NRP2: variants seen among roughly 807,000 people sequenced by gnomAD.
The protein encoded by NRP2 is neuropilin 2.
In NRP2, 52 loss-of-function variants were observed where a neutral mutation model predicts 110.4. That is an observed-to-expected ratio of 0.47 (90% confidence interval 0.38 to 0.59). The LOEUF is 0.59. Ranked by LOEUF, NRP2 falls within the 20% of genes least tolerant of loss-of-function variation. NRP2 has a pLI of 0.00. For missense variants in NRP2, 1,049 were observed against 1,203.0 expected, an observed-to-expected ratio of 0.87 and a Z score of 1.89; for synonymous variants, 508 against 468.9, an observed-to-expected ratio of 1.08 and a Z score of -1.08.
At chr2:205,765,618 G>A in intron 14 of NRP2, 48 bp downstream of exon 14, 1 of 1,518,110 alleles carries the variant, frequency 6.6e-7, no homozygotes, top group South Asian at 1.1e-5. Context: ...AAGACCCCAA[G>A]GGCTGGGATA....
chr2:205,711,558 G>C lies in NRP2; in HGVS notation c.252-4635G>C, dbSNP rs149490379. 3.0e-3 allele frequency among the ~76,000 whole-genome samples: 462 copies of C among 152,186 alleles called. 1 individual carries two copies. Among genetic ancestry groups the C allele is most frequent in the African/African-American group, 0.011 (445 of 41,534 alleles). On this transcript the variant is annotated intron_variant, in intron 2 of 16. Coordinates refer to ENST00000357785, the MANE Select transcript of NRP2 (RefSeq NM_003872.3). ...GAAAGAGCGCTTGCAAAGGCCCTGG[G>C]GTTGGAAAGAGCTCACCATATACAA...
chr2:205,728,733 C>T (rs376730936), intron 7 of NRP2, among the ~76,000 whole-genome samples: 6 of 152,192 alleles, frequency 3.9e-5, no homozygotes, highest in African/African-American at 1.4e-4. Flanking sequence ...CTGGCACAGG[C>T]GATGTGCTGG....
At chr2:205,793,776 A>G (rs915208323) in intron 16 of NRP2, among the ~76,000 whole-genome samples, 15 of 152,168 alleles carry the variant, frequency 9.9e-5, no homozygotes, top group African/African-American at 1.9e-4. Flanking sequence ...TAAAGGCCTT[A>G]TCTCCAAATA....
intron 10 of NRP2, 77 bp from the exon 11 acceptor site, chr2:205,749,648 T>C (rs2057605366): frequency 9.0e-7 from 1 of 1,111,218 alleles, no homozygotes; most frequent in South Asian, 1.2e-5. Context: ...TCTCTAGAGA[T>C]GTTTGGCATC....
chr2:205,740,003 C>T, intron 7 of NRP2: 1 of 246,564 alleles, frequency 4.1e-6, no homozygotes, highest in South Asian at 5.2e-5. Context: ...AGAGGGTGCC[C>T]CTCATCATCT....
intron 15 of NRP2, chr2:205,776,332 G>A (rs750974134): frequency 1.9e-6 from 3 of 1,612,856 alleles, no homozygotes; most frequent in South Asian, 1.1e-5. Context: ...CGTAATGGCC[G>A]CCGGGGGCGC....
At position 205,795,217 on chromosome 2, in the gene NRP2, A is replaced by C; in HGVS notation, c.*159A>C. 1 of 795,922 alleles carries C rather than the reference A, an allele frequency of 1.3e-6. No individual in the cohort carries two copies. The highest frequency in any genetic ancestry group is 1.5e-5 in the South Asian group (1 of 65,152). 49.3% of individuals were successfully genotyped at this position (795,922 alleles called of 1,614,324 possible). ...GGACAGAAAAGCGAGTCGCAGGAGGAAGGGAGATGCAGCCGCACAGGGGAT... is the reference window on the plus strand; with the variant it reads ...GGACAGAAAAGCGAGTCGCAGGAGGCAGGGAGATGCAGCCGCACAGGGGAT... On this transcript the variant is annotated 3_prime_UTR_variant, in exon 17 of 17. Transcript: ENST00000357785.
intron 7 of NRP2, among the ~76,000 whole-genome samples, chr2:205,732,212 G>T (rs1255373091): frequency 6.6e-6 from 1 of 152,352 alleles, no homozygotes; most frequent in East Asian, 1.9e-4. Context: ...TTATTGTGGA[G>T]CTGGGCTTCA....
chr2:205,755,901 T>C (rs947296972), intron 12 of NRP2, among the ~76,000 whole-genome samples: 2 of 151,890 alleles, frequency 1.3e-5, no homozygotes, highest in Non-Finnish European at 2.9e-5. Context: ...AAGAGAAAGG[T>C]GGATGGGAGA....
intron 15 of NRP2, among the ~76,000 whole-genome samples, chr2:205,791,674 G>A (rs912422879): frequency 6.6e-6 from 1 of 152,204 alleles, no homozygotes; most frequent in African/African-American, 2.4e-5. Flanking sequence ...GGAAGGATGA[G>A]AAATATTAGC....
At chr2:205,714,336 G>A (rs886677990) in intron 2 of NRP2, among the ~76,000 whole-genome samples, 5 of 152,158 alleles carry the variant, frequency 3.3e-5, no homozygotes, top group Non-Finnish European at 5.9e-5. Flanking sequence ...GGACTCTTGC[G>A]CTCTGGGCCA....
intron 12 of NRP2, among the ~76,000 whole-genome samples, chr2:205,755,395 C>T (rs2105901883): frequency 6.6e-6 from 1 of 152,222 alleles, no homozygotes; most frequent in South Asian, 2.1e-4. Context: ...CAGAGGAATC[C>T]CGAAGTTTGG....
rs886657096 is a variant in NRP2, at chr2:205,760,253, C to T, written c.2045-3421C>T. Among the ~76,000 whole-genome samples the T allele has an allele frequency of 2.0e-5, 3 of 152,156 alleles. No individual in the cohort carries two copies. In the South Asian group the frequency reaches 6.2e-4, roughly 32 times the overall value. ...TCCTTGGGCTTTTCCTGGTCTGAGT[C>T]ATTCCTTCATGATGTCCCTGGTTCT... On this transcript the variant is annotated intron_variant, in intron 12 of 16. Transcript: ENST00000357785.
At position 205,686,867 on chromosome 2, in the gene NRP2, GC is replaced by G. The variant is rs2056180102; in HGVS notation, c.73+3505del. On this transcript the variant is annotated intron_variant, in intron 1 of 16. Coordinates refer to ENST00000357785, the MANE Select transcript of NRP2 (RefSeq NM_003872.3). The surrounding 1 kb of genome is among the most constrained non-coding windows in gnomAD (Gnocchi z 4.7). ...CAGACAGAGAGGAGAGCCCCCTGGC[GC>G]TAGCCATTCCCGATCAGCGCCCACT... is the stretch of plus-strand genomic sequence containing the variant. 6.6e-6 allele frequency among the ~76,000 whole-genome samples: 1 copy of G among 152,188 alleles called. No individual in the cohort carries two copies. Among genetic ancestry groups the G allele is most frequent in the Non-Finnish European group, 1.5e-5 (1 of 68,034 alleles).
chr2:205,733,979 G>C (rs1019662388), intron 7 of NRP2, among the ~76,000 whole-genome samples: 2 of 151,922 alleles, frequency 1.3e-5, no homozygotes, highest in African/African-American at 4.8e-5. Flanking sequence ...GCACATCCCC[G>C]CCCCCCAGAA....
At chr2:205,695,159 T>C (rs1302448027) in intron 1 of NRP2, among the ~76,000 whole-genome samples, 1 of 152,242 alleles carries the variant, frequency 6.6e-6, no homozygotes, top group Non-Finnish European at 1.5e-5. Flanking sequence ...ATGAGTTCTC[T>C]GATACTTCAA....
At chr2:205,781,898 A>G (rs2058178383) in intron 15 of NRP2, among the ~76,000 whole-genome samples, 1 of 152,142 alleles carries the variant, frequency 6.6e-6, no homozygotes, top group Non-Finnish European at 1.5e-5. Flanking sequence ...GATCAGGTGC[A>G]CCACAGTATG....
At chr2:205,744,014 G>A (rs2057493538) in intron 9 of NRP2, among the ~76,000 whole-genome samples, 1 of 152,160 alleles carries the variant, frequency 6.6e-6, no homozygotes, top group African/African-American at 2.4e-5. Context: ...AAAGTGCTGG[G>A]ATTATAGGCA....
intron 1 of NRP2, among the ~76,000 whole-genome samples, chr2:205,683,696 T>C (rs891373108): frequency 2.6e-5 from 4 of 152,340 alleles, no homozygotes; most frequent in South Asian, 2.1e-4. Context: ...GAATTTTTTT[T>C]CCCTGTCTTG....
Sources: allele counts gnomAD v4.1 joint callset (sites outside exome capture counted in the v4.1 genomes callset), GRCh38; gene constraint gnomAD v4.1.1; non-coding constraint Gnocchi (gnomAD v3.1); transcripts MANE v1.5; gene names NCBI Gene and HGNC (gene_info 2026-07-23, HGNC 2026-07-21).